OGN: variants seen among roughly 807,000 people sequenced by gnomAD.
OGN encodes mimecan.
Under a neutral mutation model 30.8 loss-of-function variants are expected in OGN, and 19 were observed. The observed-to-expected ratio is 0.62, with a 90% CI of 0.43 to 0.90. OGN has a LOEUF of 0.90. Ranked by LOEUF, OGN falls within the 40% of genes least tolerant of loss-of-function variation. OGN has a pLI of 0.00. For synonymous variants in OGN, 126 were observed against 128.3 expected (o/e 0.98, Z 0.12); for missense variants, 283 against 349.7 (o/e 0.81, Z 1.52).
chr9:92,395,527 A>G (rs1842859970), intron 3 of OGN, among the ~76,000 whole-genome samples: 1 of 152,192 alleles, frequency 6.6e-6, no homozygotes, highest in African/African-American at 2.4e-5. Flanking sequence ...GTAAGTACCT[A>G]AGGAGTGGAA....
At chr9:92,402,177 A>G (rs965928463) in intron 2 of OGN, among the ~76,000 whole-genome samples, 5 of 152,202 alleles carry the variant, frequency 3.3e-5, no homozygotes, top group African/African-American at 1.2e-4. Context: ...AGCCTATGTT[A>G]TGATGGGACT....
In OGN at chr9:92,389,888, A is replaced by G; in HGVS notation, c.596T>C (p.Ile199Thr). ...LTLFNAKYNKIKSRGIKANAF... is the reference protein window; with the variant it reads ...LTLFNAKYNKTKSRGIKANAF... ...ATTTGCTTTGATTCCCCTACTCTTG[A>G]TTTTGTTGTATTTTGCATTAAATAA... The change falls in exon 5 of 7, where the codon ATC becomes ACC. Residue 199 changes from isoleucine to threonine, a missense_variant. By Grantham distance (89) the Ile-to-Thr change is moderately conservative. Transcript: ENST00000375561. 6.2e-7 allele frequency: 1 copy of G among 1,612,680 alleles called. No individual in the cohort carries two copies. The highest frequency in any genetic ancestry group is 1.1e-5 in the South Asian group (1 of 90,876).
At chr9:92,397,583 G>C (rs982494433) in intron 3 of OGN, among the ~76,000 whole-genome samples, 4 of 152,156 alleles carry the variant, frequency 2.6e-5, no homozygotes, top group Non-Finnish European at 5.9e-5. Context: ...ACCCGCCTTG[G>C]CCTCCCAGAG....
At chr9:92,403,606 G>T in intron 1 of OGN, 124 bp from the exon 2 acceptor site, 1 of 1,217,252 alleles carries the variant, frequency 8.2e-7, no homozygotes. Context: ...TTAGATGCTA[G>T]CAGTTTTTAT....
intron 4 of OGN, among the ~76,000 whole-genome samples, chr9:92,392,163 T>G (rs1275483170): frequency 6.6e-6 from 1 of 152,136 alleles, no homozygotes; most frequent in Non-Finnish European, 1.5e-5. Context: ...TTGCTAGAAG[T>G]TCAAGATTGA....
intron 3 of OGN, among the ~76,000 whole-genome samples, 183 bp from the exon 4 acceptor site, chr9:92,393,427 GT>G (rs1842769845): frequency 6.6e-6 from 1 of 152,108 alleles, no homozygotes; most frequent in African/African-American, 2.4e-5. Context: ...CCAGAATATT[GT>G]TTGAGAATCT....
At chr9:92,390,358 A>G (rs1469663831) in intron 4 of OGN, among the ~76,000 whole-genome samples, 1 of 152,242 alleles carries the variant, frequency 6.6e-6, no homozygotes, top group Admixed American at 6.5e-5. Flanking sequence ...GCAGTTTGAA[A>G]GAAATTCTTG....
chr9:92,386,371 G>T, intron 5 of OGN, 75 bp from the exon 6 acceptor site: 1 of 871,952 alleles, frequency 1.1e-6, no homozygotes. Flanking sequence ...ATATATATGT[G>T]CATATGAGTA....
chr9:92,403,623 G>T, intron 1 of OGN, 141 bp from the exon 2 acceptor site: 1 of 1,200,460 alleles, frequency 8.3e-7, no homozygotes, highest in Non-Finnish European at 1.0e-6. Context: ...TTATGTATCA[G>T]TGAACATTCT....
intron 3 of OGN, among the ~76,000 whole-genome samples, chr9:92,399,377 G>T (rs1843017549): frequency 6.6e-6 from 1 of 151,616 alleles, no homozygotes; most frequent in African/African-American, 2.4e-5. Context: ...GTGGATTTTT[G>T]GTTAATCTCT....
At chr9:92,401,733 C>T (rs1447854970) in intron 2 of OGN, among the ~76,000 whole-genome samples, 1 of 152,166 alleles carries the variant, frequency 6.6e-6, no homozygotes, top group Non-Finnish European at 1.5e-5. Flanking sequence ...GCTTACCTTA[C>T]CTACCCTGCT....
intron 6 of OGN, 47 bp downstream of exon 6, chr9:92,386,154 G>T: frequency 7.1e-7 from 1 of 1,402,800 alleles, no homozygotes; most frequent in South Asian, 1.2e-5. Flanking sequence ...ACAAGATTTT[G>T]ACTCATAGGT....
At chr9:92,400,412 G>C (rs1434759189) in intron 3 of OGN, among the ~76,000 whole-genome samples, 1 of 152,140 alleles carries the variant, frequency 6.6e-6, no homozygotes, top group Non-Finnish European at 1.5e-5. Context: ...GCCTCCCAAA[G>C]TACTGGGATT....
Position 92,395,820 on chromosome 9 carries a change from C to CT in OGN, c.269-2577dup, listed in dbSNP as rs879727834. Among the ~76,000 whole-genome samples, 370 of 141,850 alleles carry CT rather than the reference C, an allele frequency of 2.6e-3. 1 individual carries two copies. The highest frequency in any genetic ancestry group is 5.1e-3 in the African/African-American group (199 of 38,954). The allele number at this position is 141,850 out of a possible 152,430, so 93.1% of individuals were successfully genotyped here. A position where few individuals can be genotyped will look rare whatever the true frequency, so the allele number is the denominator to read the frequency against. ...GGCATCCATATATTTGATGACTTGT[C>CT]TTTTTTTTTTTCCCTCTTACTAGTT... is the stretch of plus-strand genomic sequence containing the variant. On this transcript the variant is annotated intron_variant, in intron 3 of 6. Coordinates refer to ENST00000375561, the MANE Select transcript of OGN (RefSeq NM_014057.5).
intron 5 of OGN, among the ~76,000 whole-genome samples, chr9:92,388,481 T>C (rs1842528610): frequency 6.6e-6 from 1 of 152,074 alleles, no homozygotes; most frequent in Non-Finnish European, 1.5e-5. Flanking sequence ...TTTATAGGTC[T>C]TTAACATGTC....
chr9:92,391,530 C>G (rs1392072340), intron 4 of OGN, among the ~76,000 whole-genome samples: 1 of 152,094 alleles, frequency 6.6e-6, no homozygotes, highest in Non-Finnish European at 1.5e-5. Flanking sequence ...ACCCAGGAGG[C>G]AGAGGCTGCA....
In OGN at chr9:92,394,408, ATT is replaced by A. The variant is rs34978081; in HGVS notation, c.269-1166_269-1165del. On this transcript the variant is annotated intron_variant, in intron 3 of 6. Transcript: ENST00000375561. ...CTGGCGTATGCCACCACACATGGCT[ATT>A]TTTTTTTTTTTTTTGAATTTTTAGT... Among the ~76,000 whole-genome samples, 510 of 130,922 alleles carry A rather than the reference ATT, an allele frequency of 3.9e-3. 3 individuals carry two copies. Among genetic ancestry groups the A allele is most frequent in the East Asian group, 0.021 (95 of 4,464 alleles). The allele number at this position is 130,922 out of a possible 152,430, so 85.9% of individuals were successfully genotyped here.
chr9:92,396,590 A>T (rs1228387033), intron 3 of OGN, among the ~76,000 whole-genome samples: 1 of 148,148 alleles, frequency 6.8e-6, no homozygotes, highest in Non-Finnish European at 1.5e-5. Flanking sequence ...TTGAGACAAG[A>T]TCTCATGCTG....
intron 3 of OGN, 77 bp from the exon 4 acceptor site, chr9:92,393,321 A>C: frequency 8.9e-7 from 1 of 1,120,264 alleles, no homozygotes; most frequent in Non-Finnish European, 1.3e-6. Flanking sequence ...AATTATTGCT[A>C]TTATGAATGC....
Sources: gnomAD v4.1 joint callset for allele counts (sites outside exome capture counted in the v4.1 genomes callset) on GRCh38, gnomAD v4.1.1 for gene constraint, MANE v1.5 for transcripts, NCBI Gene and HGNC (gene_info 2026-07-23, HGNC 2026-07-21) for gene names.